Variants in PARP15 observed in about 807,000 individuals in gnomAD.
PARP15 encodes the protein protein mono-ADP-ribosyltransferase PARP15.
Under a neutral mutation model 62.1 loss-of-function variants are expected in PARP15, and 50 were observed. That is an observed-to-expected ratio of 0.81 (90% confidence interval 0.64 to 1.02). The LOEUF (loss-of-function observed/expected upper bound fraction) is 1.02. Among genes scored for constraint, PARP15 ranks in the 50% least tolerant of loss-of-function variants. The pLI is 0.00. For synonymous variants in PARP15, 309 were observed against 293.1 expected (o/e 1.05, Z -0.55); for missense variants, 820 against 826.5 (o/e 0.99, Z 0.10).
chr3:122,607,494 AC>A (rs1935234388), intron 2 of PARP15, among the ~76,000 whole-genome samples: 2 of 152,288 alleles, frequency 1.3e-5, no homozygotes, highest in Non-Finnish European at 2.9e-5. Context: ...ATTCATATAA[AC>A]CACTTATCCC....
chr3:122,609,732 G>A (rs186597599), intron 2 of PARP15, among the ~76,000 whole-genome samples: 9 of 149,854 alleles, frequency 6.0e-5, no homozygotes, highest in East Asian at 3.9e-4. Context: ...AAGGCCACAC[G>A]ATGAGAGTGT....
intron 2 of PARP15, among the ~76,000 whole-genome samples, chr3:122,609,711 T>TAA (rs34604043): frequency 9.9e-4 from 139 of 139,944 alleles, no homozygotes; most frequent in African/African-American, 3.3e-3. Context: ...AAAAAAAAAT[T>TAA]AAAAAAAAAA....
chr3:122,578,763 T>C (rs2080738313), intron 1 of PARP15, among the ~76,000 whole-genome samples: 1 of 152,188 alleles, frequency 6.6e-6, no homozygotes, highest in Admixed American at 6.5e-5. Context: ...CTCTTTGGAA[T>C]TTTTATTGGG....
intron 2 of PARP15, among the ~76,000 whole-genome samples, chr3:122,609,233 T>C (rs1220735015): frequency 6.6e-6 from 1 of 152,182 alleles, no homozygotes; most frequent in Non-Finnish European, 1.5e-5. Context: ...TTCTCAGATA[T>C]TGAGATTAGT....
intron 1 of PARP15, among the ~76,000 whole-genome samples, chr3:122,604,705 C>CA (rs1559950383): frequency 6.6e-6 from 1 of 151,790 alleles, no homozygotes; most frequent in African/African-American, 2.4e-5. Context: ...TGTAAAGATA[C>CA]AAAAAATTAG....
intron 1 of PARP15, among the ~76,000 whole-genome samples, chr3:122,589,773 A>G (rs1187295644): frequency 1.3e-5 from 2 of 152,050 alleles, no homozygotes; most frequent in Non-Finnish European, 2.9e-5. Flanking sequence ...TCTAGGTACA[A>G]GTCTTATTGG....
In PARP15 at chr3:122,637,253, C is replaced by G. The variant is rs997151988; in HGVS notation, c.*1153C>G. The G allele has an allele frequency of 6.6e-6, 1 of 152,212 alleles. No individual in the cohort carries two copies. Among genetic ancestry groups the G allele is most frequent in the African/African-American group, 2.4e-5 (1 of 41,432 alleles). 9.4% of individuals were successfully genotyped at this position (152,212 alleles called of 1,614,324 possible). The stretch of plus-strand genomic sequence containing the variant: ...CCTTCTCCCCCAACCCTCCCCTGCT[C>G]CCAGGCAAGAAGCCCTCTAGCCTCT... On this transcript the variant is annotated 3_prime_UTR_variant, in exon 12 of 12. Coordinates refer to ENST00000464300, the MANE Select transcript of PARP15 (RefSeq NM_001113523.3).
chr3:122,596,517 G>A (rs1018229508), intron 1 of PARP15, among the ~76,000 whole-genome samples: 3 of 152,072 alleles, frequency 2.0e-5, no homozygotes, highest in South Asian at 2.1e-4. Flanking sequence ...AAGCCCAGGA[G>A]TCATCTTGAC....
intron 1 of PARP15, among the ~76,000 whole-genome samples, chr3:122,579,707 G>A (rs936944964): frequency 6.6e-6 from 1 of 151,972 alleles, no homozygotes; most frequent in East Asian, 1.9e-4. Flanking sequence ...GGCCGGTCGC[G>A]GTGGCTCACG....
intron 7 of PARP15, 44 bp from the exon 8 acceptor site, chr3:122,621,400 G>T (rs1936328676): frequency 6.5e-7 from 1 of 1,545,628 alleles, no homozygotes; most frequent in Non-Finnish European, 8.7e-7. Context: ...GTTGCCTCCA[G>T]TAATTAATGG....
chr3:122,598,208 T>C (rs952349562), intron 1 of PARP15, among the ~76,000 whole-genome samples: 1 of 152,234 alleles, frequency 6.6e-6, no homozygotes, highest in Non-Finnish European at 1.5e-5. Context: ...CAAGCCATCC[T>C]ATATAAGCAT....
In PARP15 at chr3:122,610,728, C is replaced by T; in HGVS notation, c.541C>T (p.Gln181Ter). ...YWNNGAETSW[Q>*]IMANIIKKCL... ...GAATAATGGAGCAGAGACTTCTTGG[C>T]AGGTAGGGAACGCTCTTAGTTCTCC... The change falls in exon 3 of 12, where the codon CAG (glutamine) becomes TAG (stop). Residue 181 changes from glutamine to a stop codon, truncating the protein, a stop_gained and splice_region_variant. Coordinates refer to ENST00000464300, the MANE Select transcript of PARP15 (RefSeq NM_001113523.3). LOFTEE classifies it high-confidence loss of function. 6.6e-7 allele frequency: 1 copy of T among 1,510,408 alleles called. No homozygotes were observed. Among genetic ancestry groups the T allele is most frequent in the African/African-American group, 1.4e-5 (1 of 71,692 alleles). 93.6% of individuals were successfully genotyped at this position (1,510,408 alleles called of 1,614,324 possible). A position where few individuals can be genotyped will look rare whatever the true frequency, so the allele number is the denominator to read the frequency against.
At chr3:122,624,917 TGAG>T (rs1354330228) in intron 8 of PARP15, among the ~76,000 whole-genome samples, 1 of 152,160 alleles carries the variant, frequency 6.6e-6, no homozygotes, top group Non-Finnish European at 1.5e-5. Flanking sequence ...ATTTTGTAGA[TGAG>T]GAACTTGAGG....
chr3:122,588,892 T>A (rs933831136), intron 1 of PARP15, among the ~76,000 whole-genome samples: 2 of 152,258 alleles, frequency 1.3e-5, no homozygotes, highest in Non-Finnish European at 2.9e-5. Context: ...TGTTGCAGAA[T>A]GTATAAGAAC....
At chr3:122,592,928 ATG>A (rs1934038273) in intron 1 of PARP15, among the ~76,000 whole-genome samples, 1 of 152,180 alleles carries the variant, frequency 6.6e-6, no homozygotes, top group Admixed American at 6.5e-5. Flanking sequence ...TCTGACTCCA[ATG>A]TGTGTGCCCT....
intron 2 of PARP15, among the ~76,000 whole-genome samples, chr3:122,608,768 CTT>C (rs200651765): frequency 2.8e-4 from 38 of 137,046 alleles, no homozygotes; most frequent in Admixed American, 2.2e-4. Context: ...AACAAGGTTA[CTT>C]TTTTTTTTTT....
intron 6 of PARP15, among the ~76,000 whole-genome samples, chr3:122,619,066 A>G (rs1471526123): frequency 6.6e-6 from 1 of 152,222 alleles, no homozygotes; most frequent in Non-Finnish European, 1.5e-5. Context: ...TGATAAAACA[A>G]CTAACATTCA....
At chr3:122,601,108 C>T in intron 1 of PARP15, among the ~76,000 whole-genome samples, 1 of 129,486 alleles carries the variant, frequency 7.7e-6, no homozygotes, top group African/African-American at 3.1e-5. Context: ...GCGGTGCGAT[C>T]TCAGCTCACT....
chr3:122,632,070 A>C lies in PARP15; in HGVS notation c.1439-16A>C, dbSNP rs1358141127. ...GGAAATGAATGTTGTGTTTTGACCAAATGCTGACTTTCCAGGTAATCTTCC... is the reference window on the plus strand; with the variant it reads ...GGAAATGAATGTTGTGTTTTGACCACATGCTGACTTTCCAGGTAATCTTCC... On this transcript the variant is annotated splice_polypyrimidine_tract_variant and intron_variant, in intron 9 of 11. Transcript: ENST00000464300. 6.2e-7 allele frequency: 1 copy of C among 1,613,968 alleles called. No individual in the cohort carries two copies. Among genetic ancestry groups the C allele is most frequent in the African/African-American group, 1.3e-5 (1 of 75,038 alleles).
Sources: gnomAD v4.1 joint callset for allele counts (sites outside exome capture counted in the v4.1 genomes callset) on GRCh38, gnomAD v4.1.1 for gene constraint, MANE v1.5 for transcripts, NCBI Gene and HGNC (gene_info 2026-07-23, HGNC 2026-07-21) for gene names.